Variants in TMPRSS11D observed in about 807,000 individuals in gnomAD.
TMPRSS11D encodes the protein transmembrane serine protease 11D.
A neutral mutation model predicts 44.4 loss-of-function variants in TMPRSS11D; 32 were observed. The ratio of observed to expected loss-of-function variants is 0.72; its 90% confidence interval spans 0.54 to 0.97. TMPRSS11D has a LOEUF of 0.97. Ranked by LOEUF, TMPRSS11D falls within the 50% of genes least tolerant of loss-of-function variation. TMPRSS11D has a pLI of 0.00. For synonymous variants in TMPRSS11D, 179 were observed against 177.9 expected (o/e 1.01, Z -0.05); for missense variants, 446 against 502.6 (o/e 0.89, Z 1.08).
chr4:67,861,085 C>T (rs1384302393), intron 1 of TMPRSS11D, among the ~76,000 whole-genome samples: 1 of 115,272 alleles, frequency 8.7e-6, no homozygotes, highest in Non-Finnish European at 2.0e-5. Flanking sequence ...TTAAAAAGAG[C>T]ATTTAAGTAT....
At chr4:67,824,458 A>C (rs1477686796) in intron 9 of TMPRSS11D, among the ~76,000 whole-genome samples, 1 of 152,088 alleles carries the variant, frequency 6.6e-6, no homozygotes, top group Non-Finnish European at 1.5e-5. Flanking sequence ...ATGAAACTTG[A>C]GAATTTGTTG....
At chr4:67,826,368 T>A (rs1346379026) in intron 8 of TMPRSS11D, among the ~76,000 whole-genome samples, 1 of 152,092 alleles carries the variant, frequency 6.6e-6, no homozygotes, top group Non-Finnish European at 1.5e-5. Flanking sequence ...AAGAACACAA[T>A]AGAATGTGTT....
intron 2 of TMPRSS11D, among the ~76,000 whole-genome samples, chr4:67,857,255 G>A (rs549221784): frequency 2.3e-5 from 3 of 133,038 alleles, no homozygotes; most frequent in Admixed American, 7.6e-5. Context: ...ACAAATGAAC[G>A]GATAAAGAAA....
intron 8 of TMPRSS11D, among the ~76,000 whole-genome samples, chr4:67,826,539 T>G (rs549527787): frequency 2.0e-5 from 3 of 152,124 alleles, no homozygotes; most frequent in Non-Finnish European, 4.4e-5. Flanking sequence ...TCCATTTTAT[T>G]CATTCAATAA....
At chr4:67,883,795 G>A (rs567852267) in intron 1 of TMPRSS11D, 131 bp downstream of exon 1, 4 of 616,748 alleles carry the variant, frequency 6.5e-6, no homozygotes, top group East Asian at 2.9e-5. Context: ...TAAGAGTTTC[G>A]ATGAAGTTTT....
At chr4:67,829,960 G>T (rs1362334765) in intron 7 of TMPRSS11D, among the ~76,000 whole-genome samples, 2 of 152,020 alleles carry the variant, frequency 1.3e-5, no homozygotes, top group East Asian at 3.9e-4. Context: ...GCCTGCATGT[G>T]TGCTTCTGAA....
At chr4:67,824,033 A>G (rs1279111525) in intron 9 of TMPRSS11D, among the ~76,000 whole-genome samples, 1 of 152,124 alleles carries the variant, frequency 6.6e-6, no homozygotes, top group Non-Finnish European at 1.5e-5. Flanking sequence ...CGTCGGGTGC[A>G]TAGAAAGTAA....
intron 3 of TMPRSS11D, among the ~76,000 whole-genome samples, chr4:67,853,216 GT>G (rs746999645): frequency 1.7e-4 from 26 of 152,176 alleles, no homozygotes; most frequent in Non-Finnish European, 3.7e-4. Flanking sequence ...TCAGAAGTGT[GT>G]AAATTAGATT....
chr4:67,867,380 TAGA>T (rs1718950631), intron 1 of TMPRSS11D, among the ~76,000 whole-genome samples: 1 of 152,118 alleles, frequency 6.6e-6, no homozygotes, highest in Non-Finnish European at 1.5e-5. Flanking sequence ...ATTAAAATGC[TAGA>T]AGAAGATGTA....
chr4:67,843,573 A>G (rs1287840110), intron 3 of TMPRSS11D, among the ~76,000 whole-genome samples: 1 of 152,224 alleles, frequency 6.6e-6, no homozygotes, highest in African/African-American at 2.4e-5. Context: ...AGGATACTCC[A>G]ACCTCAGTCT....
rs1434425377 is a variant in TMPRSS11D, at chr4:67,822,113, G to C, written c.*224C>G. The C allele has an allele frequency of 4.2e-6, 2 of 471,620 alleles. No homozygotes were observed. The highest frequency in any genetic ancestry group is 1.9e-5 in the African/African-American group (1 of 51,782). 29.2% of individuals were successfully genotyped at this position (471,620 alleles called of 1,614,324 possible). A position where few individuals can be genotyped will look rare whatever the true frequency, so the allele number is the denominator to read the frequency against. On this transcript the variant is annotated 3_prime_UTR_variant, in exon 10 of 10. Transcript: ENST00000283916. ...GTAATTAGTTTAGTGTGTTTCTTCT[G>C]TTACACAGCCACAGTACTATGCAAC... is the stretch of plus-strand genomic sequence containing the variant.
At chr4:67,871,599 T>C (rs1430079488) in intron 1 of TMPRSS11D, among the ~76,000 whole-genome samples, 2 of 152,202 alleles carry the variant, frequency 1.3e-5, no homozygotes, top group African/African-American at 4.8e-5. Context: ...CTGTGAAGAA[T>C]CAGTTGAAGA....
At position 67,820,961 on chromosome 4, in the gene TMPRSS11D, C is replaced by T. The variant is rs1332766836; in HGVS notation, c.*1376G>A. ...CAAGAGTTGGTTGCATTTTCAACTC[C>T]CTTTCCCTAAAAGTAGATGGCTTTA... On this transcript the variant is annotated 3_prime_UTR_variant, in exon 10 of 10. Coordinates refer to ENST00000283916, the MANE Select transcript of TMPRSS11D (RefSeq NM_004262.3). 2 of 152,164 alleles carry T rather than the reference C, an allele frequency of 1.3e-5. No homozygotes were observed. Among genetic ancestry groups the T allele is most frequent in the African/African-American group, 4.8e-5 (2 of 41,438 alleles). 9.4% of individuals were successfully genotyped at this position (152,164 alleles called of 1,614,324 possible).
intron 3 of TMPRSS11D, among the ~76,000 whole-genome samples, chr4:67,852,318 G>A (rs1295845371): frequency 6.6e-6 from 1 of 152,168 alleles, no homozygotes; most frequent in East Asian, 1.9e-4. Context: ...AGCACTGAAA[G>A]CTTTGAGTGG....
At chr4:67,833,148 C>T in intron 7 of TMPRSS11D, 56 bp downstream of exon 7, 1 of 1,337,728 alleles carries the variant, frequency 7.5e-7, no homozygotes, top group Non-Finnish European at 9.7e-7. Flanking sequence ...AGGGTGCAGT[C>T]TTCATGACCT....
intron 1 of TMPRSS11D, among the ~76,000 whole-genome samples, chr4:67,863,956 C>A (rs370171032): frequency 2.6e-5 from 4 of 151,708 alleles, no homozygotes; most frequent in African/African-American, 9.7e-5. Context: ...AGTCCCCCTG[C>A]GACATGTTGG....
chr4:67,847,005 A>G (rs543575689), intron 3 of TMPRSS11D, among the ~76,000 whole-genome samples: 5 of 152,116 alleles, frequency 3.3e-5, no homozygotes, highest in African/African-American at 1.2e-4. Context: ...CCCAGGTTCA[A>G]GTGATTCTCC....
At position 67,827,311 on chromosome 4, in the gene TMPRSS11D, G is replaced by A; in HGVS notation, c.902C>T (p.Pro301Leu). ...VCLPAATQNI[P>L]PGSTAYVTGW... ...TGTTACATAAGCAGTAGAGCCAGGT[G>A]GAATATTCTGGGTAGCAGCTGGGAG... Residue 301 changes from proline to leucine, a missense_variant, in exon 8 of 10, where the codon CCA becomes CTA. Pro to Leu is a moderately conservative substitution (Grantham distance 98). Coordinates refer to ENST00000283916, the MANE Select transcript of TMPRSS11D (RefSeq NM_004262.3). The A allele has an allele frequency of 6.2e-7, 1 of 1,613,132 alleles. No individual in the cohort carries two copies. The highest frequency in any genetic ancestry group is 8.5e-7 in the Non-Finnish European group (1 of 1,179,504).
Position 67,883,989 on chromosome 4 carries a change from C to A in TMPRSS11D, c.-56G>T. The A allele has an allele frequency of 6.6e-7, 1 of 1,520,318 alleles. No homozygotes were observed. Among genetic ancestry groups the A allele is most frequent in the Non-Finnish European group, 9.0e-7 (1 of 1,110,546 alleles). 94.2% of individuals were successfully genotyped at this position (1,520,318 alleles called of 1,614,324 possible). A position where few individuals can be genotyped will look rare whatever the true frequency, so the allele number is the denominator to read the frequency against. Reference sequence around the variant, plus strand: ...TGCCTACTCAACTGCTTTGAGATTCCCACTCAAATGAATGACTCTCATGTA... The same window carrying A: ...TGCCTACTCAACTGCTTTGAGATTCACACTCAAATGAATGACTCTCATGTA... On this transcript the variant is annotated 5_prime_UTR_variant, in exon 1 of 10. Coordinates refer to ENST00000283916, the MANE Select transcript of TMPRSS11D (RefSeq NM_004262.3).
Sources: allele counts gnomAD v4.1 joint callset (sites outside exome capture counted in the v4.1 genomes callset), GRCh38; gene constraint gnomAD v4.1.1; transcripts MANE v1.5; gene names NCBI Gene and HGNC (gene_info 2026-07-23, HGNC 2026-07-21).